Variants in MLLT10 observed in about 807,000 individuals in gnomAD.
MLLT10 encodes MLLT10 histone lysine methyltransferase DOT1L cofactor.
A neutral mutation model predicts 129.1 loss-of-function variants in MLLT10; 30 were observed. The observed-to-expected ratio is 0.23, with a 90% CI of 0.17 to 0.32. MLLT10 has a LOEUF of 0.32. Among genes scored for constraint, MLLT10 ranks in the 10% least tolerant of loss-of-function variants. The pLI, the probability that MLLT10 is intolerant of heterozygous loss-of-function variation, is 1.00. For synonymous variants in MLLT10, 490 were observed against 446.4 expected (o/e 1.10, Z -1.23); for missense variants, 1,119 against 1,268.3 (o/e 0.88, Z 1.79).
At chr10:21,563,251 G>A (rs893943128) in intron 3 of MLLT10, among the ~76,000 whole-genome samples, 92 of 152,062 alleles carry the variant, frequency 6.1e-4, no homozygotes, top group Admixed American at 1.1e-3. Flanking sequence ...GAGGCCCGGC[G>A]CGTGGCTCAG....
intron 13 of MLLT10, among the ~76,000 whole-genome samples, chr10:21,690,718 A>G (rs1464474640): frequency 6.6e-6 from 1 of 151,994 alleles, no homozygotes; most frequent in Non-Finnish European, 1.5e-5. Flanking sequence ...CCTATTCCTT[A>G]ACTATTACAT....
At chr10:21,708,716 A>G (rs2055782374) in intron 13 of MLLT10, 2 of 985,350 alleles carry the variant, frequency 2.0e-6, no homozygotes, top group South Asian at 9.4e-5. Flanking sequence ...AAGGTCCTTA[A>G]TCACCACGAT....
chr10:21,544,871 C>T (rs1009177276), intron 3 of MLLT10, among the ~76,000 whole-genome samples: 20 of 152,290 alleles, frequency 1.3e-4, no homozygotes, highest in Middle Eastern at 3.4e-3. Context: ...GGAGGCCGGG[C>T]GCTGTGTCTT....
chr10:21,699,684 TAA>T (rs566165311), intron 13 of MLLT10, among the ~76,000 whole-genome samples: 31 of 141,362 alleles, frequency 2.2e-4, no homozygotes, highest in Non-Finnish European at 2.0e-4. Flanking sequence ...CAGTTGGCTG[TAA>T]AAAAAAAAAA....
At chr10:21,667,150 A>C (rs1027226004) in intron 9 of MLLT10, among the ~76,000 whole-genome samples, 121 of 152,166 alleles carry the variant, frequency 8.0e-4, no homozygotes, top group African/African-American at 2.7e-3. Flanking sequence ...TGTTTTCTAG[A>C]TCGAATGTTT....
chr10:21,681,540 T>C (rs1308983447), intron 12 of MLLT10, among the ~76,000 whole-genome samples, 164 bp downstream of exon 12: 1 of 152,238 alleles, frequency 6.6e-6, no homozygotes, highest in East Asian at 1.9e-4. Flanking sequence ...TACTGCTTTG[T>C]CTTGTTATAG....
intron 3 of MLLT10, among the ~76,000 whole-genome samples, chr10:21,580,094 C>CTGCAGCCTCAAACTCCCAGGCA (rs2041241127): frequency 6.6e-6 from 1 of 150,588 alleles, no homozygotes; most frequent in African/African-American, 2.4e-5. Flanking sequence ...TATTATATTA[C>CTGCAGCCTCAAACTCCCAGGCA]TGCAGCCTCA....
intron 3 of MLLT10, chr10:21,557,227 T>A: frequency 8.7e-7 from 1 of 1,142,894 alleles, no homozygotes; most frequent in Non-Finnish European, 1.1e-6. Context: ...GCTTAATGAT[T>A]GAGTTATAAC....
intron 17 of MLLT10, among the ~76,000 whole-genome samples, chr10:21,732,522 A>C (rs184945228): frequency 4.2e-4 from 64 of 152,376 alleles, no homozygotes; most frequent in African/African-American, 1.1e-3. Context: ...ACCATTCTGT[A>C]TATGACTTCA....
chr10:21,595,637 G>A, intron 5 of MLLT10, 197 bp downstream of exon 5: 1 of 458,342 alleles, frequency 2.2e-6, no homozygotes, highest in Non-Finnish European at 3.9e-6. Context: ...GCAAAACTGT[G>A]TTACCTTTTA....
At position 21,741,969 on chromosome 10, in the gene MLLT10, CAAGAG is replaced by C; in HGVS notation, c.3196_3200del (p.Glu1066LysfsTer31). On this transcript the variant is annotated frameshift_variant, in exon 23 of 23. Coordinates refer to ENST00000307729, the MANE Select transcript of MLLT10 (RefSeq NM_001195626.3). LOFTEE classifies it high-confidence loss of function. ...TAGTGATAAAACTGGGCCTGTAGCT[CAAGAG>C]AAAAGTTGACACCTGAGAAACATCT... 6.2e-7 allele frequency: 1 copy of C among 1,612,166 alleles called. No individual in the cohort carries two copies. Among genetic ancestry groups the C allele is most frequent in the Non-Finnish European group, 8.5e-7 (1 of 1,179,602 alleles).
chr10:21,567,182 A>G (rs1768608538), intron 3 of MLLT10, among the ~76,000 whole-genome samples: 1 of 152,190 alleles, frequency 6.6e-6, no homozygotes, highest in Admixed American at 6.5e-5. Context: ...TCATGAGACT[A>G]TGCACTTACT....
At chr10:21,696,979 G>A (rs1488883378) in intron 13 of MLLT10, among the ~76,000 whole-genome samples, 1 of 151,280 alleles carries the variant, frequency 6.6e-6, no homozygotes, top group Non-Finnish European at 1.5e-5. Context: ...TAGCCTGTGA[G>A]ACTCTACATG....
chr10:21,705,237 G>A (rs1391979080), intron 13 of MLLT10, among the ~76,000 whole-genome samples: 1 of 152,170 alleles, frequency 6.6e-6, no homozygotes, highest in East Asian at 1.9e-4. Flanking sequence ...ACCTACAGAT[G>A]GTACATGCAG....
intron 5 of MLLT10, among the ~76,000 whole-genome samples, 179 bp from the exon 6 acceptor site, chr10:21,612,169 T>C (rs369558037): frequency 2.0e-5 from 3 of 152,316 alleles, no homozygotes; most frequent in East Asian, 3.8e-4. Flanking sequence ...TATGTCTTTG[T>C]TTATATTTTT....
At chr10:21,649,140 A>G (rs2131315779) in intron 8 of MLLT10, among the ~76,000 whole-genome samples, 1 of 152,156 alleles carries the variant, frequency 6.6e-6, no homozygotes, top group East Asian at 1.9e-4. Context: ...CAGTGGTATG[A>G]TCACAGTTCA....
chr10:21,725,127 T>A (rs1589834120), intron 14 of MLLT10, among the ~76,000 whole-genome samples: 1 of 152,162 alleles, frequency 6.6e-6, no homozygotes, highest in Non-Finnish European at 1.5e-5. Flanking sequence ...AACAAAATAG[T>A]GTGCAGGTTT....
chr10:21,636,159 C>T (rs892784061), intron 8 of MLLT10, among the ~76,000 whole-genome samples: 3 of 151,874 alleles, frequency 2.0e-5, no homozygotes, highest in African/African-American at 7.3e-5. Flanking sequence ...CTCACTCTGT[C>T]ACCTAAACTG....
Position 21,729,184 on chromosome 10 carries a change from ATTAATT to A in MLLT10, c.2063+1257_2063+1262del, listed in dbSNP as rs1457195458. 3.9e-5 allele frequency among the ~76,000 whole-genome samples: 6 copies of A among 152,264 alleles called. No individual in the cohort carries two copies. The South Asian group carries it at 1.0e-3, about 26-fold the overall frequency. On this transcript the variant is annotated intron_variant, in intron 16 of 22. Transcript: ENST00000307729. ...GACTAGTCTGTGATTTTATGCTGTG[ATTAATT>A]CTATGTTGTTTTTCTTTTCAAAGAA...
Sources: allele counts gnomAD v4.1 joint callset (sites outside exome capture counted in the v4.1 genomes callset), GRCh38; gene constraint gnomAD v4.1.1; transcripts MANE v1.5; gene names NCBI Gene and HGNC (gene_info 2026-07-23, HGNC 2026-07-21).